The following RAB38 variants were observed in gnomAD, a reference collection of about 807,000 sequenced individuals.
The protein encoded by RAB38 is RAB38, member RAS oncogene family, also known as ras-related protein Rab-38.
A neutral mutation model predicts 18.4 loss-of-function variants in RAB38; 15 were observed. That is an observed-to-expected ratio of 0.82 (90% CI 0.55 to 1.26). RAB38 has a LOEUF of 1.26. RAB38 is among the 50% of genes most tolerant of loss of function. The probability of loss-of-function intolerance (pLI) is 0.00; values close to 1 mark genes in which losing one functional copy is unlikely to be tolerated. For missense variants in RAB38, 294 were observed against 267.4 expected, an observed-to-expected ratio of 1.10 and a Z score of -0.69; for synonymous variants, 101 against 104.4, an observed-to-expected ratio of 0.97 and a Z score of 0.20.
the RAB38 span, among the ~76,000 whole-genome samples, chr11:87,941,212 GAGATATATAT>G: frequency 9.3e-4 from 35 of 37,802 alleles, 5 homozygotes; most frequent in East Asian, 0.011. Context: ...ATAAATATAT[GAGATATATAT>G]ATATATATAT....
chr11:87,864,565 TCTTA>T, the RAB38 span, among the ~76,000 whole-genome samples: 8,821 of 151,728 alleles, frequency 0.058, 362 homozygotes, highest in Non-Finnish European at 0.083. Flanking sequence ...ATATGAATTA[TCTTA>T]CTTTTTTGAC....
the RAB38 span, among the ~76,000 whole-genome samples, chr11:88,097,173 G>C: frequency 6.6e-6 from 1 of 151,800 alleles, no homozygotes; most frequent in African/African-American, 2.4e-5. Context: ...CTATTTCCCA[G>C]GGCTTTCTAG....
the RAB38 span, among the ~76,000 whole-genome samples, chr11:88,033,774 C>G: frequency 2.8e-4 from 37 of 133,586 alleles, 1 homozygote; most frequent in Admixed American, 6.3e-4. Flanking sequence ...GTCGCCCAGG[C>G]TGGAGTACAG....
the RAB38 span, among the ~76,000 whole-genome samples, chr11:87,952,688 AGGATTGTAGAGGCCAAGATCACCAG>A: frequency 2.8e-4 from 42 of 152,208 alleles, no homozygotes; most frequent in Non-Finnish European, 1.0e-4. Flanking sequence ...CTATGTCCTG[AGGATTGTAGAGGCCAAGATCACCAG>A]GGATTGGAGA....
the RAB38 span, among the ~76,000 whole-genome samples, chr11:88,092,750 T>TA: frequency 6.6e-6 from 1 of 151,628 alleles, no homozygotes; most frequent in Admixed American, 6.6e-5. Flanking sequence ...ATATGGTAAA[T>TA]TAATATAAGT....
At chr11:87,835,393 A>G in the RAB38 span, among the ~76,000 whole-genome samples, 1 of 152,108 alleles carries the variant, frequency 6.6e-6, no homozygotes, top group East Asian at 1.9e-4. Flanking sequence ...AGTGTTTGGA[A>G]TAAACTCCCT....
chr11:88,149,707 C>T lies in RAB38; in HGVS notation c.451G>A (p.Gly151Ser), dbSNP rs143951992. ...LKMDQFCKEH[G>S]FVGWFETSAK... is the part of the protein sequence containing the mutation. ...GATGTTTCAAACCATCCTACGAAAC[C>T]GTGCTCCTTGCAGAACTGGTCCATC... Residue 151 changes from glycine to serine, a missense_variant, in exon 2 of 3, where the codon GGT (glycine) becomes AGT (serine). Physicochemically the swap from Gly to Ser is moderately conservative, Grantham distance 56 (BLOSUM62 0). Coordinates refer to ENST00000243662, the MANE Select transcript of RAB38 (RefSeq NM_022337.3). 84 of 1,613,302 alleles carry T rather than the reference C, an allele frequency of 5.2e-5. No homozygotes were observed. The African/African-American group carries it at 6.9e-4, about 13-fold the overall frequency.
the RAB38 span, among the ~76,000 whole-genome samples, chr11:87,807,758 C>G: frequency 3.3e-5 from 5 of 152,058 alleles, no homozygotes; most frequent in African/African-American, 4.8e-5. Flanking sequence ...TGACGAAGAC[C>G]TTTGGGAAGG....
chr11:88,153,304 T>C (rs1043288225), intron 1 of RAB38, among the ~76,000 whole-genome samples: 2 of 152,216 alleles, frequency 1.3e-5, no homozygotes, highest in African/African-American at 4.8e-5. Context: ...CCTGAAATGG[T>C]CCACTTGGTG....
chr11:87,974,089 T>A, the RAB38 span, among the ~76,000 whole-genome samples: 1 of 151,770 alleles, frequency 6.6e-6, no homozygotes, highest in Non-Finnish European at 1.5e-5. Flanking sequence ...AAAATAAAAA[T>A]TTGTGAGATA....
At chr11:87,877,324 T>C in the RAB38 span, among the ~76,000 whole-genome samples, 1 of 151,554 alleles carries the variant, frequency 6.6e-6, no homozygotes, top group Non-Finnish European at 1.5e-5. Context: ...TACTTACTTT[T>C]CTGGGACCCA....
chr11:87,944,056 A>C, the RAB38 span, among the ~76,000 whole-genome samples: 1 of 152,184 alleles, frequency 6.6e-6, no homozygotes. Flanking sequence ...TGTCACAATA[A>C]GTTACATGAA....
the RAB38 span, among the ~76,000 whole-genome samples, chr11:88,087,398 G>A: frequency 1.1e-4 from 17 of 152,076 alleles, no homozygotes; most frequent in African/African-American, 4.1e-4. Flanking sequence ...TGTTCTGCAG[G>A]CTTTACAGGC....
At chr11:87,819,928 T>TA in the RAB38 span, among the ~76,000 whole-genome samples, 9 of 152,002 alleles carry the variant, frequency 5.9e-5, no homozygotes, top group Admixed American at 5.3e-4. Flanking sequence ...CATTGATAGA[T>TA]ACTGTGTTAT....
intron 1 of RAB38, among the ~76,000 whole-genome samples, chr11:88,154,211 C>A (rs1299599487): frequency 1.3e-5 from 2 of 152,174 alleles, no homozygotes; most frequent in Non-Finnish European, 2.9e-5. Context: ...CAGACATTTT[C>A]CCAGACCCAG....
At chr11:88,080,082 A>G in the RAB38 span, among the ~76,000 whole-genome samples, 1 of 151,836 alleles carries the variant, frequency 6.6e-6, no homozygotes, top group East Asian at 1.9e-4. Flanking sequence ...ATATATAGAT[A>G]GGAAATGGAG....
chr11:87,851,905 A>T, the RAB38 span, among the ~76,000 whole-genome samples: 2 of 152,164 alleles, frequency 1.3e-5, no homozygotes. Flanking sequence ...TTAACAGGAG[A>T]AAAACATACA....
intron 2 of RAB38, among the ~76,000 whole-genome samples, chr11:88,121,959 C>T (rs111232868): frequency 1.3e-4 from 20 of 152,296 alleles, no homozygotes; most frequent in African/African-American, 3.4e-4. Flanking sequence ...CTTTCTAAAT[C>T]GCAAAAGTTA....
chr11:88,085,047 T>G, the RAB38 span, among the ~76,000 whole-genome samples: 3,252 of 151,930 alleles, frequency 0.021, 100 homozygotes, highest in African/African-American at 0.073. Flanking sequence ...TTAAAAGGAA[T>G]GGACAGGTGT....
Sources: gnomAD v4.1 joint callset for allele counts (sites outside exome capture counted in the v4.1 genomes callset) on GRCh38, gnomAD v4.1.1 for gene constraint, MANE v1.5 for transcripts, NCBI Gene and HGNC (gene_info 2026-07-23, HGNC 2026-07-21) for gene names.